Variants in JARID2 observed in about 807,000 individuals in gnomAD.
JARID2 encodes the protein protein Jumonji.
JARID2 carries 21 observed loss-of-function variants against 125.6 expected under a neutral mutation model. The ratio of observed to expected loss-of-function variants is 0.17; its 90% confidence interval spans 0.12 to 0.24. The LOEUF is 0.24. Ranked by LOEUF, JARID2 falls within the 10% of genes least tolerant of loss-of-function variation. The pLI, the probability that JARID2 is intolerant of heterozygous loss-of-function variation, is 1.00. For synonymous variants in JARID2, 736 were observed against 661.6 expected (o/e 1.11, Z -1.73); for missense variants, 1,303 against 1,639.6 (o/e 0.79, Z 3.55).
intron 1 of JARID2, among the ~76,000 whole-genome samples, chr6:15,247,118 G>C (rs1401326903): frequency 6.6e-6 from 1 of 152,186 alleles, no homozygotes; most frequent in African/African-American, 2.4e-5. Flanking sequence ...ACATAAACCA[G>C]TTGGGAATCA....
intron 3 of JARID2, among the ~76,000 whole-genome samples, chr6:15,418,611 C>T (rs986531845): frequency 3.3e-5 from 5 of 152,114 alleles, no homozygotes; most frequent in African/African-American, 1.2e-4. Flanking sequence ...ACAGAAGTAC[C>T]GACTCTGTCT....
chr6:15,422,467 A>G (rs1039169601), intron 3 of JARID2, among the ~76,000 whole-genome samples: 2 of 152,308 alleles, frequency 1.3e-5, no homozygotes, highest in Non-Finnish European at 2.9e-5. Flanking sequence ...CACAGAGCTA[A>G]GGAAGCGTTT....
chr6:15,381,518 ATG>A (rs1388049110), intron 2 of JARID2, among the ~76,000 whole-genome samples: 3 of 151,950 alleles, frequency 2.0e-5, no homozygotes, highest in Non-Finnish European at 4.4e-5. Flanking sequence ...GTTTCCCCTG[ATG>A]TGAGGACACA....
At chr6:15,246,647 G>A in intron 1 of JARID2, 63 bp downstream of exon 1, 1 of 1,355,738 alleles carries the variant, frequency 7.4e-7, no homozygotes, top group Non-Finnish European at 1.1e-6. Context: ...TGAATGTCAA[G>A]TTTATAGATA....
intron 2 of JARID2, among the ~76,000 whole-genome samples, chr6:15,388,718 T>C (rs1764885095): frequency 6.6e-6 from 1 of 152,050 alleles, no homozygotes; most frequent in Admixed American, 6.6e-5. Context: ...TACCCTGCCA[T>C]TGACATCCAA....
intron 1 of JARID2, among the ~76,000 whole-genome samples, chr6:15,361,887 G>T (rs1561814094): frequency 6.9e-6 from 1 of 144,192 alleles, no homozygotes; most frequent in African/African-American, 2.6e-5. Flanking sequence ...TGGATTGGGA[G>T]CCCCCTTTTT....
intron 4 of JARID2, among the ~76,000 whole-genome samples, chr6:15,463,235 C>T (rs1352559733): frequency 1.3e-5 from 2 of 152,110 alleles, no homozygotes; most frequent in Non-Finnish European, 2.9e-5. Context: ...ATTCCCAAAC[C>T]TCTAAAACAT....
At chr6:15,253,697 G>C (rs566137419) in intron 1 of JARID2, among the ~76,000 whole-genome samples, 1 of 152,018 alleles carries the variant, frequency 6.6e-6, no homozygotes, top group African/African-American at 2.4e-5. Flanking sequence ...CTCTACTGGG[G>C]TTCTTTTTTC....
chr6:15,416,020 C>G (rs1257313588), intron 3 of JARID2, among the ~76,000 whole-genome samples: 2 of 151,088 alleles, frequency 1.3e-5, no homozygotes, highest in Admixed American at 6.6e-5. Context: ...GGGTCATGGC[C>G]CGGTAGAGGC....
At chr6:15,381,773 C>T (rs1252095725) in intron 2 of JARID2, among the ~76,000 whole-genome samples, 1 of 152,136 alleles carries the variant, frequency 6.6e-6, no homozygotes, top group Non-Finnish European at 1.5e-5. Context: ...GATCAAGTTG[C>T]TTACTTTGGT....
At chr6:15,338,988 G>C (rs1423438939) in intron 1 of JARID2, among the ~76,000 whole-genome samples, 1 of 152,204 alleles carries the variant, frequency 6.6e-6, no homozygotes, top group Admixed American at 6.5e-5. Context: ...TGAGAAGCAG[G>C]CTGCTCTGCA....
intron 1 of JARID2, among the ~76,000 whole-genome samples, chr6:15,273,661 A>G (rs1458411384): frequency 6.6e-6 from 1 of 152,228 alleles, no homozygotes; most frequent in African/African-American, 2.4e-5. Flanking sequence ...AGATTGTGCC[A>G]TTGCACTCCA....
intron 3 of JARID2, among the ~76,000 whole-genome samples, chr6:15,428,723 T>A (rs1366673853): frequency 6.6e-6 from 1 of 152,050 alleles, no homozygotes; most frequent in African/African-American, 2.4e-5. Context: ...CTGGCCAACA[T>A]GGTGAAACCT....
intron 2 of JARID2, among the ~76,000 whole-genome samples, chr6:15,378,813 T>C (rs1347621898): frequency 6.6e-6 from 1 of 152,226 alleles, no homozygotes; most frequent in Non-Finnish European, 1.5e-5. Context: ...AAAAATCATT[T>C]GTTTTTACCA....
chr6:15,299,223 T>A lies in JARID2; in HGVS notation c.45+52639T>A, dbSNP rs1483044355. Among the ~76,000 whole-genome samples the A allele has an allele frequency of 2.0e-5, 3 of 152,162 alleles. No homozygotes were observed. The East Asian group carries it at 5.8e-4, about 29-fold the overall frequency. On this transcript the variant is annotated intron_variant, in intron 1 of 17. Transcript: ENST00000341776. Reference sequence around the variant, plus strand: ...GCCTCCTTTGAGAAGGACCAAAGTCTTGTAAAGAACGTTGAGTGTAGTTTT... The same window carrying A: ...GCCTCCTTTGAGAAGGACCAAAGTCATGTAAAGAACGTTGAGTGTAGTTTT...
At chr6:15,370,447 C>CT (rs1164293174) in intron 1 of JARID2, among the ~76,000 whole-genome samples, 1 of 151,570 alleles carries the variant, frequency 6.6e-6, no homozygotes, top group East Asian at 2.0e-4. Context: ...ATGCCATTCT[C>CT]CTGCCTCAGC....
At chr6:15,512,180 G>T (rs750305411) in intron 13 of JARID2, 28 bp from the exon 14 acceptor site, 12 of 1,604,954 alleles carry the variant, frequency 7.5e-6, no homozygotes, top group African/African-American at 1.3e-5. Context: ...ACAGGGAGGG[G>T]TGCCTCAGCC....
intron 3 of JARID2, 44 bp downstream of exon 3, chr6:15,410,409 C>A: frequency 1.3e-6 from 2 of 1,591,408 alleles, no homozygotes; most frequent in Non-Finnish European, 1.7e-6. Flanking sequence ...CAACCAGGGA[C>A]TGCAAACTCA....
intron 1 of JARID2, among the ~76,000 whole-genome samples, chr6:15,366,358 G>A (rs114929539): frequency 6.6e-6 from 1 of 151,806 alleles, no homozygotes; most frequent in African/African-American, 2.4e-5. Flanking sequence ...TACGGCTGTT[G>A]TTCAGATCCA....
Sources: allele counts gnomAD v4.1 joint callset (sites outside exome capture counted in the v4.1 genomes callset), GRCh38; gene constraint gnomAD v4.1.1; transcripts MANE v1.5; gene names NCBI Gene and HGNC (gene_info 2026-07-23, HGNC 2026-07-21).